The following SLCO5A1 variants were observed in gnomAD, a reference collection of about 807,000 sequenced individuals.
The protein encoded by SLCO5A1 is solute carrier organic anion transporter family member 5A1.
A neutral mutation model predicts 65.1 loss-of-function variants in SLCO5A1; 39 were observed. The observed-to-expected ratio is 0.60, with a 90% CI of 0.46 to 0.78. The LOEUF is 0.78. SLCO5A1 is among the 30% of genes least tolerant of loss of function. The pLI, the probability that SLCO5A1 is intolerant of heterozygous loss-of-function variation, is 0.00. For synonymous variants in SLCO5A1, 438 were observed against 415.7 expected, an observed-to-expected ratio of 1.05 and a Z score of -0.65; for missense variants, 1,029 against 1,069.4, an observed-to-expected ratio of 0.96 and a Z score of 0.53.
chr8:69,731,422 G>A (rs1371826591), intron 5 of SLCO5A1, among the ~76,000 whole-genome samples: 6 of 152,204 alleles, frequency 3.9e-5, no homozygotes, highest in Non-Finnish European at 8.8e-5. Context: ...AAATGCCAAT[G>A]TGTTTCTTAT....
chr8:69,789,538 C>A (rs1439336621), intron 2 of SLCO5A1, among the ~76,000 whole-genome samples: 1 of 151,846 alleles, frequency 6.6e-6, no homozygotes, highest in Admixed American at 6.6e-5. Flanking sequence ...GGGGAGTGGC[C>A]GGGGAATGGG....
intron 2 of SLCO5A1, chr8:69,794,650 A>G: frequency 3.1e-6 from 1 of 319,200 alleles, no homozygotes; most frequent in South Asian, 3.0e-5. Flanking sequence ...TGTTTTTAGG[A>G]CTCTTTATGA....
At chr8:69,818,840 C>T (rs1288464316) in intron 2 of SLCO5A1, among the ~76,000 whole-genome samples, 2 of 152,148 alleles carry the variant, frequency 1.3e-5, no homozygotes, top group Non-Finnish European at 2.9e-5. Flanking sequence ...TCATGAGCAT[C>T]CTAACAAGAA....
intron 3 of SLCO5A1, among the ~76,000 whole-genome samples, chr8:69,758,329 G>A (rs1275942566): frequency 6.6e-6 from 1 of 152,084 alleles, no homozygotes; most frequent in Middle Eastern, 3.2e-3. Flanking sequence ...TGGGACTACA[G>A]GCGCAGTGGC....
rs1261886053 is a variant in SLCO5A1 at position 69,726,021 on chromosome 8, A to G, written c.1423+12019T>C. On this transcript the variant is annotated intron_variant, in intron 5 of 9. Coordinates refer to ENST00000260126, the MANE Select transcript of SLCO5A1 (RefSeq NM_030958.3). ...GGTAATGTGGAGAGCACCGAGGTGAATGTCCTCAGAGCCCAGAATATATCC... is the reference window on the plus strand; with the variant it reads ...GGTAATGTGGAGAGCACCGAGGTGAGTGTCCTCAGAGCCCAGAATATATCC... Among the ~76,000 whole-genome samples, 23 of 152,220 alleles carry G rather than the reference A, an allele frequency of 1.5e-4. 1 individual carries two copies.
intron 2 of SLCO5A1, among the ~76,000 whole-genome samples, chr8:69,819,209 T>G (rs1820533296): frequency 6.6e-6 from 1 of 152,022 alleles, no homozygotes; most frequent in Non-Finnish European, 1.5e-5. Context: ...GACTGATGAA[T>G]TTGGAATAAA....
At chr8:69,785,490 GGAA>G (rs1203784321) in intron 2 of SLCO5A1, among the ~76,000 whole-genome samples, 1 of 152,266 alleles carries the variant, frequency 6.6e-6, no homozygotes, top group South Asian at 2.1e-4. Context: ...AGACAGAAAA[GGAA>G]GAAGAGAATG....
intron 3 of SLCO5A1, 61 bp from the exon 4 acceptor site, chr8:69,755,702 T>G: frequency 6.9e-7 from 1 of 1,446,646 alleles, no homozygotes; most frequent in Non-Finnish European, 9.4e-7. Flanking sequence ...GAGAACAAAT[T>G]AGTAAAGCAG....
chr8:69,761,568 T>C, intron 3 of SLCO5A1, 175 bp downstream of exon 3: 1 of 628,324 alleles, frequency 1.6e-6, no homozygotes, highest in East Asian at 2.8e-5. Flanking sequence ...TCATAGGTTC[T>C]GGGGATTAGG....
chr8:69,713,854 C>T (rs1815389363), intron 5 of SLCO5A1: 2 of 152,150 alleles, frequency 1.3e-5, no homozygotes, highest in Admixed American at 6.5e-5. Flanking sequence ...GCTTCTAACC[C>T]GATGATTCAA....
intron 9 of SLCO5A1, among the ~76,000 whole-genome samples, chr8:69,673,967 G>A (rs1259011297): frequency 1.3e-5 from 2 of 152,112 alleles, no homozygotes; most frequent in Admixed American, 6.5e-5. Context: ...TAGTAGCTTC[G>A]TTGTCTGGGC....
intron 2 of SLCO5A1, among the ~76,000 whole-genome samples, chr8:69,799,534 A>G (rs115116454): frequency 0.015 from 2,210 of 152,294 alleles, 57 homozygotes; most frequent in African/African-American, 0.048. Flanking sequence ...TGATTCCTAT[A>G]AAGGTTGTAT....
intron 2 of SLCO5A1, among the ~76,000 whole-genome samples, chr8:69,821,841 A>G (rs1266908180): frequency 1.3e-5 from 2 of 151,062 alleles, no homozygotes; most frequent in Non-Finnish European, 2.9e-5. Flanking sequence ...AAGAAAAACA[A>G]TATGGCCAGG....
intron 9 of SLCO5A1, among the ~76,000 whole-genome samples, chr8:69,674,097 T>A (rs1162671327): frequency 6.6e-6 from 1 of 152,226 alleles, no homozygotes; most frequent in African/African-American, 2.4e-5. Flanking sequence ...TTTGCAAATA[T>A]CTATGCCCCC....
intron 2 of SLCO5A1, among the ~76,000 whole-genome samples, chr8:69,821,273 C>T (rs779202913): frequency 7.2e-5 from 11 of 151,914 alleles, no homozygotes; most frequent in Non-Finnish European, 1.5e-4. Flanking sequence ...GCAGGAGAAT[C>T]GCTTGAACCT....
intron 2 of SLCO5A1, among the ~76,000 whole-genome samples, chr8:69,796,241 A>G (rs1377080846): frequency 6.6e-6 from 1 of 151,628 alleles, no homozygotes; most frequent in East Asian, 1.9e-4. Context: ...CTAGAAAATG[A>G]GAGTTGGTTT....
rs1395015410 is a variant in SLCO5A1 at position 69,784,906 on chromosome 8, G to A, written c.908-23031C>T. ...AAGAAAGAAGAAAGGAAGAAAGAAA[G>A]AAAGAAAGAAAGAAAGAAAGAAAGA... On this transcript the variant is annotated intron_variant, in intron 2 of 9. Coordinates refer to ENST00000260126, the MANE Select transcript of SLCO5A1 (RefSeq NM_030958.3). Among the ~76,000 whole-genome samples, 3 of 65,370 alleles carry A rather than the reference G, an allele frequency of 4.6e-5. No individual in the cohort carries two copies. The East Asian group carries it at 1.0e-3, about 22-fold the overall frequency. The allele number at this position is 65,370 out of a possible 152,430, so 42.9% of individuals were successfully genotyped here.
chr8:69,779,022 G>A (rs1281047053), intron 2 of SLCO5A1, among the ~76,000 whole-genome samples: 2 of 152,176 alleles, frequency 1.3e-5, no homozygotes, highest in East Asian at 3.8e-4. Flanking sequence ...ATTCATTTAT[G>A]TATAGTGTAT....
intron 2 of SLCO5A1, among the ~76,000 whole-genome samples, chr8:69,813,674 T>C (rs528743359): frequency 9.9e-5 from 15 of 152,252 alleles, no homozygotes; most frequent in African/African-American, 3.4e-4. Context: ...TTCTAATGGC[T>C]CAAGGACTCC....
Sources: gnomAD v4.1 joint callset for allele counts (sites outside exome capture counted in the v4.1 genomes callset) on GRCh38, gnomAD v4.1.1 for gene constraint, MANE v1.5 for transcripts, NCBI Gene and HGNC (gene_info 2026-07-23, HGNC 2026-07-21) for gene names.